AGBL2: variants seen among roughly 807,000 people sequenced by gnomAD.
AGBL2 encodes the protein cytosolic carboxypeptidase 2.
AGBL2 carries 87 observed loss-of-function variants against 103.0 expected under a neutral mutation model. The ratio of observed to expected loss-of-function variants is 0.84; its 90% confidence interval spans 0.71 to 1.01. The LOEUF is 1.01. Ranked by LOEUF, AGBL2 falls within the 50% of genes least tolerant of loss-of-function variation. The pLI is 0.00. For missense variants in AGBL2, 904 were observed against 1,023.5 expected (o/e 0.88, Z 1.59); for synonymous variants, 335 against 356.7 (o/e 0.94, Z 0.69).
intron 7 of AGBL2, among the ~76,000 whole-genome samples, chr11:47,700,604 C>CAACA (rs562086156): frequency 2.1e-4 from 30 of 141,756 alleles, no homozygotes; most frequent in African/African-American, 6.9e-4. Context: ...ACAAACAAAC[C>CAACA]AACAAACAAA....
chr11:47,712,704 G>C (rs895263183), intron 3 of AGBL2, among the ~76,000 whole-genome samples: 3 of 152,086 alleles, frequency 2.0e-5, no homozygotes, highest in Non-Finnish European at 4.4e-5. Flanking sequence ...AGGAGTTCGA[G>C]AACAGCCTGG....
intron 4 of AGBL2, among the ~76,000 whole-genome samples, chr11:47,708,974 T>C (rs1384395675): frequency 6.6e-6 from 1 of 151,852 alleles, no homozygotes; most frequent in Non-Finnish European, 1.5e-5. Flanking sequence ...GTACAAAAAT[T>C]AGCCAGGAGT....
chr11:47,667,148 G>A, intron 16 of AGBL2, 85 bp from the exon 17 acceptor site: 1 of 909,668 alleles, frequency 1.1e-6, no homozygotes, highest in Non-Finnish European at 1.7e-6. Context: ...TTGTACTTCT[G>A]AAAGCACGTT....
intron 8 of AGBL2, among the ~76,000 whole-genome samples, chr11:47,697,538 T>C (rs1292212667): frequency 6.9e-4 from 71 of 102,176 alleles, no homozygotes; most frequent in African/African-American, 2.5e-3. Flanking sequence ...TCGCCAAGCC[T>C]ACTTTTTTTT....
rs1170843107 is a variant in AGBL2 at position 47,667,556 on chromosome 11, G to C, written c.2340+15C>G. The C allele has an allele frequency of 6.2e-7, 1 of 1,612,418 alleles. No homozygotes were observed. The highest frequency in any genetic ancestry group is 1.7e-5 in the Admixed American group (1 of 59,504). Reference sequence around the variant, plus strand: ...TGAAACTAGACAGTAGAAATAGCCAGCAAGTCTTTCTTACTGAGGTATCTT... The same window carrying C: ...TGAAACTAGACAGTAGAAATAGCCACCAAGTCTTTCTTACTGAGGTATCTT... On this transcript the variant is annotated intron_variant, in intron 16 of 18. Coordinates refer to ENST00000525123, the MANE Select transcript of AGBL2 (RefSeq NM_024783.4).
Position 47,705,919 on chromosome 11 carries a change from T to G in AGBL2, c.233-2A>C. The G allele has an allele frequency of 6.2e-7, 1 of 1,614,020 alleles. No individual in the cohort carries two copies. Among genetic ancestry groups the G allele is most frequent in the Non-Finnish European group, 8.5e-7 (1 of 1,179,936 alleles). On this transcript the variant is annotated splice_acceptor_variant, in intron 4 of 18. Transcript: ENST00000525123. LOFTEE classifies it high-confidence loss of function. Reference sequence around the variant, plus strand: ...CAGCTGAAGATAAACTGATAGGCCCTAGAAAGAGGAAGAGGAGGCACCCTT... The same window carrying G: ...CAGCTGAAGATAAACTGATAGGCCCGAGAAAGAGGAAGAGGAGGCACCCTT...
chr11:47,679,116 A>C (rs930461246), intron 13 of AGBL2, among the ~76,000 whole-genome samples: 7 of 149,736 alleles, frequency 4.7e-5, no homozygotes, highest in Non-Finnish European at 1.0e-4. Context: ...TTCTAAAATA[A>C]AAGGAAAGAT....
At chr11:47,712,101 G>T (rs1379132688) in intron 3 of AGBL2, among the ~76,000 whole-genome samples, 2 of 152,124 alleles carry the variant, frequency 1.3e-5, no homozygotes, top group Non-Finnish European at 2.9e-5. Context: ...TAATAGTTTT[G>T]CTGTCATACT....
At chr11:47,693,142 C>T (rs1366056292) in intron 8 of AGBL2, among the ~76,000 whole-genome samples, 2 of 151,720 alleles carry the variant, frequency 1.3e-5, no homozygotes, top group Non-Finnish European at 2.9e-5. Context: ...TTTCTTTCTT[C>T]CCTCCCTGCC....
chr11:47,674,654 C>G (rs1374157648), intron 14 of AGBL2, among the ~76,000 whole-genome samples: 1 of 150,930 alleles, frequency 6.6e-6, no homozygotes, highest in Non-Finnish European at 1.5e-5. Flanking sequence ...GGGTCTTTGG[C>G]TTTTTTTAAA....
chr11:47,702,354 C>G (rs190604528), intron 7 of AGBL2, among the ~76,000 whole-genome samples: 2 of 152,146 alleles, frequency 1.3e-5, no homozygotes, highest in Non-Finnish European at 2.9e-5. Context: ...GCTTAGTTGT[C>G]AACTCCTTTT....
At chr11:47,709,958 C>T (rs759756805) in intron 4 of AGBL2, among the ~76,000 whole-genome samples, 7 of 151,958 alleles carry the variant, frequency 4.6e-5, no homozygotes, top group Non-Finnish European at 8.8e-5. Context: ...GGCCCAACCT[C>T]GGCTCATTGC....
intron 8 of AGBL2, among the ~76,000 whole-genome samples, chr11:47,692,670 C>G (rs1264321219): frequency 6.6e-6 from 1 of 151,986 alleles, no homozygotes; most frequent in Non-Finnish European, 1.5e-5. Context: ...TCTCAGCCTC[C>G]CAAAGTGCTG....
chr11:47,662,398 T>C (rs961790966), intron 18 of AGBL2, among the ~76,000 whole-genome samples: 33 of 151,996 alleles, frequency 2.2e-4, no homozygotes, highest in Admixed American at 1.9e-3. Flanking sequence ...GGTCTTGAAC[T>C]GGAACTCCTA....
chr11:47,694,229 CAA>C (rs34944577), intron 8 of AGBL2, among the ~76,000 whole-genome samples: 14 of 125,714 alleles, frequency 1.1e-4, no homozygotes, highest in Admixed American at 2.5e-4. Flanking sequence ...ACTCCCAAGC[CAA>C]AAAAAAAAAA....
rs1330438833 is a variant in AGBL2, at chr11:47,673,527, A to C, written c.2147+3744T>G. 3.3e-5 allele frequency among the ~76,000 whole-genome samples: 5 copies of C among 152,160 alleles called. 1 individual carries two copies. In the East Asian group the frequency reaches 9.7e-4, roughly 29 times the overall value. On this transcript the variant is annotated intron_variant, in intron 14 of 18. Coordinates refer to ENST00000525123, the MANE Select transcript of AGBL2 (RefSeq NM_024783.4). ...GTAATCCCAGCTATTTGGGAGACTG[A>C]GGCAGGAGAATCGCTTGAGCCCGGG...
At chr11:47,663,139 A>G in intron 17 of AGBL2, 27 bp from the exon 18 acceptor site, 1 of 1,470,270 alleles carries the variant, frequency 6.8e-7, no homozygotes, top group Non-Finnish European at 9.3e-7. Context: ...TATCCTCACT[A>G]AATTTTCCAC....
At chr11:47,709,945 A>T (rs558678243) in intron 4 of AGBL2, among the ~76,000 whole-genome samples, 1 of 151,738 alleles carries the variant, frequency 6.6e-6, no homozygotes, top group Non-Finnish European at 1.5e-5. Context: ...GCTGGAGTAC[A>T]GTGGCCCAAC....
rs747223423 is a variant in AGBL2, at chr11:47,679,964, C to CT, written c.2016+8_2016+9insA. 8 of 1,568,746 alleles carry CT rather than the reference C, an allele frequency of 5.1e-6. No homozygotes were observed. Among genetic ancestry groups the CT allele is most frequent in the Non-Finnish European group, 6.1e-6 (7 of 1,140,502 alleles). On this transcript the variant is annotated intron_variant, in intron 13 of 18. Transcript: ENST00000525123. ...GCCTTCATCACATTTCTTGAAACCC[C>CT]ATTTTTACCTTCATTTGGTCAGGAT...
Sources: allele counts gnomAD v4.1 joint callset (sites outside exome capture counted in the v4.1 genomes callset), GRCh38; gene constraint gnomAD v4.1.1; transcripts MANE v1.5; gene names NCBI Gene and HGNC (gene_info 2026-07-23, HGNC 2026-07-21).